Variants in PTPN4 observed in about 807,000 individuals in gnomAD.
PTPN4 encodes protein tyrosine phosphatase non-receptor type 4.
A neutral mutation model predicts 135.5 loss-of-function variants in PTPN4; 49 were observed. The ratio of observed to expected loss-of-function variants is 0.36; its 90% CI spans 0.29 to 0.46. The LOEUF (loss-of-function observed/expected upper bound fraction) is 0.46, where lower values mean the gene tolerates loss of function less well. Among genes scored for constraint, PTPN4 ranks in the 20% least tolerant of loss-of-function variants. The probability of loss-of-function intolerance (pLI) is 1.00; values close to 1 mark genes in which losing one functional copy is unlikely to be tolerated. For synonymous variants in PTPN4, 333 were observed against 369.9 expected (o/e 0.90, Z 1.14); for missense variants, 860 against 1,101.0 (o/e 0.78, Z 3.10).
intron 2 of PTPN4, among the ~76,000 whole-genome samples, chr2:119,857,064 AT>A: frequency 6.6e-6 from 1 of 151,936 alleles, no homozygotes; most frequent in South Asian, 2.1e-4. Context: ...AAGATCTCCT[AT>A]TTCTTTTTTA....
intron 11 of PTPN4, among the ~76,000 whole-genome samples, chr2:119,919,435 A>G (rs1342860978): frequency 6.6e-6 from 1 of 152,218 alleles, no homozygotes; most frequent in Non-Finnish European, 1.5e-5. Flanking sequence ...TATATTTTGA[A>G]ACAGAGTCAT....
intron 1 of PTPN4, among the ~76,000 whole-genome samples, chr2:119,793,850 T>G (rs1691200859): frequency 1.7e-5 from 2 of 120,770 alleles, no homozygotes; most frequent in African/African-American, 3.2e-5. Flanking sequence ...TTTTTAGTTT[T>G]TTTTTTTTTT....
chr2:119,838,870 G>A (rs1020388658), intron 2 of PTPN4, among the ~76,000 whole-genome samples: 2 of 152,168 alleles, frequency 1.3e-5, no homozygotes, highest in South Asian at 2.1e-4. Context: ...TGTATTGATT[G>A]TTTTATTTAA....
intron 3 of PTPN4, among the ~76,000 whole-genome samples, chr2:119,871,676 AT>A (rs1469414378): frequency 6.6e-6 from 1 of 152,006 alleles, no homozygotes; most frequent in Non-Finnish European, 1.5e-5. Context: ...AAGGACTTTT[AT>A]GTTTTTTTGC....
At chr2:119,878,100 C>T (rs1177581921) in intron 5 of PTPN4, among the ~76,000 whole-genome samples, 12 of 151,932 alleles carry the variant, frequency 7.9e-5, no homozygotes, top group Non-Finnish European at 1.5e-5. Flanking sequence ...CTTTACATGC[C>T]CACTTGACTC....
intron 1 of PTPN4, among the ~76,000 whole-genome samples, chr2:119,783,063 G>C (rs1372330422): frequency 1.3e-5 from 2 of 150,844 alleles, no homozygotes; most frequent in African/African-American, 4.9e-5. Context: ...TTTGTATTTT[G>C]AGAGCTTAAT....
chr2:119,866,190 T>G (rs775605549), intron 3 of PTPN4, among the ~76,000 whole-genome samples: 2 of 152,112 alleles, frequency 1.3e-5, no homozygotes, highest in Non-Finnish European at 2.9e-5. Context: ...TTCTTAGTGG[T>G]CTTTATCAGC....
At chr2:119,894,536 A>C (rs977020033) in intron 9 of PTPN4, among the ~76,000 whole-genome samples, 4 of 152,250 alleles carry the variant, frequency 2.6e-5, no homozygotes, top group South Asian at 2.1e-4. Context: ...TATATAAAGC[A>C]TACAAACATT....
At chr2:119,920,936 T>C (rs1297168271) in intron 12 of PTPN4, among the ~76,000 whole-genome samples, 3 of 152,160 alleles carry the variant, frequency 2.0e-5, no homozygotes. Flanking sequence ...ACAAATGTTA[T>C]TCATTCTTGT....
In PTPN4 at chr2:119,779,707, A is replaced by G. The variant is rs567043587; in HGVS notation, c.-18+19323A>G. Among the ~76,000 whole-genome samples the G allele has an allele frequency of 1.8e-4, 27 of 151,818 alleles. No homozygotes were observed. The South Asian group carries it at 4.8e-3, about 27-fold the overall frequency. On this transcript the variant is annotated intron_variant, in intron 1 of 26. Coordinates refer to ENST00000263708, the MANE Select transcript of PTPN4 (RefSeq NM_002830.4). ...TTTGATAACTGTGGTTTTATTGTGT[A>G]TGCATTTGTTAAGTATAAAAGCAGA...
chr2:119,821,699 T>C (rs1677070635), intron 2 of PTPN4, among the ~76,000 whole-genome samples: 1 of 152,234 alleles, frequency 6.6e-6, no homozygotes, highest in African/African-American at 2.4e-5. Flanking sequence ...TCACTTACTT[T>C]GAATCACTGT....
chr2:119,955,232 A>T lies in PTPN4; in HGVS notation c.1889A>T (p.Asp630Val), dbSNP rs1415465298. The T allele has an allele frequency of 1.2e-6, 2 of 1,613,536 alleles. No homozygotes were observed. The highest frequency in any genetic ancestry group is 1.7e-6 in the Non-Finnish European group (2 of 1,179,818). Reference sequence around the variant, plus strand: ...TATATTCCTGAGAAAGCCCCACTAGATAGTGTGCATCAGGATGACCATTCC... The same window carrying T: ...TATATTCCTGAGAAAGCCCCACTAGTTAGTGTGCATCAGGATGACCATTCC... Reference protein sequence around the residue: ...FQYIPEKAPLDSVHQDDHSLR... With the variant: ...FQYIPEKAPLVSVHQDDHSLR... Residue 630 changes from aspartate to valine, a missense_variant, in exon 20 of 27, where the codon GAT (aspartate) becomes GTT (valine). Physicochemically the swap from Asp to Val is radical, Grantham distance 152 (BLOSUM62 -3). This residue lies in a region of PTPN4 where 684 missense variants were observed against 807.0 expected (regional missense o/e 0.85). Transcript: ENST00000263708.
chr2:119,884,336 C>T (rs572966218), intron 8 of PTPN4, among the ~76,000 whole-genome samples: 2 of 152,342 alleles, frequency 1.3e-5, no homozygotes, highest in East Asian at 3.9e-4. Context: ...AAAACACTTA[C>T]TGGAACACAG....
intron 11 of PTPN4, among the ~76,000 whole-genome samples, chr2:119,919,704 A>G (rs1033311355): frequency 2.6e-5 from 4 of 151,644 alleles, no homozygotes; most frequent in Non-Finnish European, 5.9e-5. Context: ...CATGCCTTTA[A>G]TTCCTGCTGC....
At chr2:119,929,096 A>T (rs1008091805) in intron 13 of PTPN4, among the ~76,000 whole-genome samples, 15 of 151,950 alleles carry the variant, frequency 9.9e-5, no homozygotes, top group African/African-American at 3.4e-4. Flanking sequence ...GCCTCAGATA[A>T]CTCTCTTCCT....
chr2:119,781,795 T>C (rs1574330346), intron 1 of PTPN4, among the ~76,000 whole-genome samples: 1 of 152,236 alleles, frequency 6.6e-6, no homozygotes, highest in East Asian at 1.9e-4. Flanking sequence ...GCTTTCATGC[T>C]ACATAGGTAG....
chr2:119,812,691 T>C (rs1295311707), intron 2 of PTPN4, among the ~76,000 whole-genome samples: 2 of 152,212 alleles, frequency 1.3e-5, no homozygotes, highest in Non-Finnish European at 2.9e-5. Context: ...ATGGAGTGTA[T>C]TGTCCCTCTC....
At chr2:119,932,286 A>G in intron 13 of PTPN4, 138 bp from the exon 14 acceptor site, 1 of 806,592 alleles carries the variant, frequency 1.2e-6, no homozygotes. Flanking sequence ...TAGCCTCTAA[A>G]TGCATTAATT....
In PTPN4 at chr2:119,976,824, A is replaced by G. The variant is rs901574093; in HGVS notation, c.2695-160A>G. 4.8e-6 allele frequency: 6 copies of G among 1,262,560 alleles called. No homozygotes were observed. The East Asian group carries it at 1.9e-4, about 40-fold the overall frequency. The allele number at this position is 1,262,560 out of a possible 1,614,324, so 78.2% of individuals were successfully genotyped here. ...AATATATTGCCAAACTGTATTTTTT[A>G]ACCAGTCTAGACTGTTAGTGAAAAA... is the stretch of plus-strand genomic sequence containing the variant. On this transcript the variant is annotated intron_variant, in intron 26 of 26. Coordinates refer to ENST00000263708, the MANE Select transcript of PTPN4 (RefSeq NM_002830.4).
Sources: allele counts gnomAD v4.1 joint callset (sites outside exome capture counted in the v4.1 genomes callset), GRCh38; gene constraint gnomAD v4.1.1; regional missense constraint gnomAD v4.1.1; transcripts MANE v1.5; gene names NCBI Gene and HGNC (gene_info 2026-07-23, HGNC 2026-07-21).